The following ITGB5 variants were observed in gnomAD, a reference collection of about 807,000 sequenced individuals.
ITGB5 encodes integrin subunit beta 5.
In ITGB5, 38 loss-of-function variants were observed where a neutral mutation model predicts 84.8. The observed-to-expected ratio is 0.45, with a 90% CI of 0.35 to 0.59. ITGB5 has a LOEUF of 0.59. Ranked by LOEUF, ITGB5 falls within the 20% of genes least tolerant of loss-of-function variation. ITGB5 has a pLI of 0.01. For synonymous variants in ITGB5, 393 were observed against 414.4 expected (o/e 0.95, Z 0.63); for missense variants, 905 against 1,034.5 (o/e 0.87, Z 1.72).
intron 10 of ITGB5, among the ~76,000 whole-genome samples, chr3:124,779,436 C>G (rs905090230): frequency 6.6e-6 from 1 of 152,134 alleles, no homozygotes; most frequent in Admixed American, 6.5e-5. Flanking sequence ...CTCCCCCTAC[C>G]CTGTGGTCTC....
chr3:124,888,821 C>G (rs934350892), upstream of ITGB5, among the ~76,000 whole-genome samples: 16 of 152,272 alleles, frequency 1.1e-4, no homozygotes, highest in African/African-American at 3.9e-4. Context: ...GAAAACTGTC[C>G]TAACTGCCCA....
At chr3:124,770,571 G>C (rs2063826986) in intron 11 of ITGB5, among the ~76,000 whole-genome samples, 1 of 152,224 alleles carries the variant, frequency 6.6e-6, no homozygotes, top group Non-Finnish European at 1.5e-5. Context: ...TGGAGGAGCA[G>C]AACTGGACGG....
At chr3:124,773,564 G>A (rs1166271386) in intron 11 of ITGB5, 126 bp downstream of exon 11, 5 of 766,798 alleles carry the variant, frequency 6.5e-6, no homozygotes, top group African/African-American at 5.2e-5. Context: ...GCTCCCCAGC[G>A]AGGCTTGCTG....
chr3:124,765,370 T>C (rs2063751500), intron 13 of ITGB5, among the ~76,000 whole-genome samples: 3 of 152,148 alleles, frequency 2.0e-5, no homozygotes. Flanking sequence ...GCAGCAGGAA[T>C]GTTGAACCCA....
chr3:124,879,341 A>G (rs561388211), intron 1 of ITGB5, among the ~76,000 whole-genome samples: 93 of 152,378 alleles, frequency 6.1e-4, no homozygotes, highest in African/African-American at 2.2e-3. Context: ...GTAGGATAAC[A>G]GAAGTGAATA....
At chr3:124,880,702 C>T (rs970647563) in intron 1 of ITGB5, among the ~76,000 whole-genome samples, 1 of 152,076 alleles carries the variant, frequency 6.6e-6, no homozygotes, top group South Asian at 2.1e-4. Context: ...CTGAGGCAGG[C>T]AGATCACCTG....
chr3:124,859,505 C>T (rs576461382), intron 2 of ITGB5, 59 bp from the exon 3 acceptor site: 9 of 1,394,258 alleles, frequency 6.5e-6, no homozygotes, highest in African/African-American at 1.4e-5. Flanking sequence ...CCGAAAACAT[C>T]GCATGTCGTG....
chr3:124,796,126 T>C (rs560159792), intron 10 of ITGB5, among the ~76,000 whole-genome samples: 2 of 152,252 alleles, frequency 1.3e-5, no homozygotes, highest in African/African-American at 4.8e-5. Flanking sequence ...CCTGCATGAA[T>C]TGGGAAGTAA....
At chr3:124,817,972 T>C (rs1041571905) in intron 7 of ITGB5, among the ~76,000 whole-genome samples, 149 of 152,160 alleles carry the variant, frequency 9.8e-4, no homozygotes, top group African/African-American at 3.3e-3. Flanking sequence ...TAAAAGATAA[T>C]GTCTTGAGAC....
intron 5 of ITGB5, among the ~76,000 whole-genome samples, chr3:124,839,809 G>C (rs1460924656): frequency 6.6e-6 from 1 of 152,196 alleles, no homozygotes; most frequent in Admixed American, 6.5e-5. Flanking sequence ...GTCTCTCTCA[G>C]ACTGCTAAGA....
chr3:124,887,915 C>CTT, upstream of ITGB5: 1 of 212,434 alleles, frequency 4.7e-6, no homozygotes, highest in South Asian at 5.1e-5. Flanking sequence ...ATTTCTTTTT[C>CTT]TTTTCTTTTT....
intron 2 of ITGB5, among the ~76,000 whole-genome samples, chr3:124,864,196 C>T (rs1358950982): frequency 6.7e-6 from 1 of 148,158 alleles, no homozygotes; most frequent in African/African-American, 2.5e-5. Context: ...CAAGGTCCGC[C>T]TCCCGGTTCA....
chr3:124,830,562 A>C lies in ITGB5; in HGVS notation c.781-9088T>G, dbSNP rs577478586. ...AAACATGTAGCACCTGAATTCTGGA[A>C]GGAACCTCAGAGGTTCTTGTACAGC... On this transcript the variant is annotated intron_variant, in intron 5 of 14. Coordinates refer to ENST00000296181, the MANE Select transcript of ITGB5 (RefSeq NM_002213.5). 1.1e-4 allele frequency among the ~76,000 whole-genome samples: 16 copies of C among 152,330 alleles called. No homozygotes were observed. The East Asian group carries it at 2.5e-3, about 24-fold the overall frequency.
intron 8 of ITGB5, 91 bp downstream of exon 8, chr3:124,817,530 G>A: frequency 4.5e-6 from 3 of 661,512 alleles, no homozygotes; most frequent in Non-Finnish European, 7.9e-6. Flanking sequence ...GCAGCACGGA[G>A]AACTGCCCAC....
At chr3:124,810,242 G>C (rs993113949) in intron 8 of ITGB5, among the ~76,000 whole-genome samples, 1 of 152,174 alleles carries the variant, frequency 6.6e-6, no homozygotes, top group Non-Finnish European at 1.5e-5. Flanking sequence ...AAAGAAGGCA[G>C]AGACAAAGGC....
chr3:124,805,712 A>G (rs1255106785), intron 9 of ITGB5, among the ~76,000 whole-genome samples: 1 of 151,926 alleles, frequency 6.6e-6, no homozygotes, highest in Admixed American at 6.6e-5. Context: ...TTGAGTTCCC[A>G]AAGTATTGAG....
intron 10 of ITGB5, among the ~76,000 whole-genome samples, chr3:124,793,834 C>T (rs2064183131): frequency 6.6e-6 from 1 of 152,238 alleles, no homozygotes. Context: ...CTACTTTACT[C>T]TGCAATGACA....
intron 2 of ITGB5, among the ~76,000 whole-genome samples, chr3:124,868,618 CAAAAAAAAAAAA>C (rs67873873): frequency 2.9e-5 from 2 of 68,146 alleles, no homozygotes; most frequent in African/African-American, 1.2e-4. Flanking sequence ...TGTTCTCTAC[CAAAAAAAAAAAA>C]AAAAAAAAAA....
At chr3:124,835,918 T>A (rs1322984664) in intron 5 of ITGB5, among the ~76,000 whole-genome samples, 1 of 152,162 alleles carries the variant, frequency 6.6e-6, no homozygotes, top group Non-Finnish European at 1.5e-5. Context: ...CTACTGGGTC[T>A]GAGGCTTAAG....
Sources: gnomAD v4.1 joint callset for allele counts (sites outside exome capture counted in the v4.1 genomes callset) on GRCh38, gnomAD v4.1.1 for gene constraint, MANE v1.5 for transcripts, NCBI Gene and HGNC (gene_info 2026-07-23, HGNC 2026-07-21) for gene names.